Variants in MYRIP observed in about 807,000 individuals in gnomAD.
MYRIP encodes rab effector MyRIP.
A neutral mutation model predicts 98.0 loss-of-function variants in MYRIP; 49 were observed. The observed-to-expected ratio is 0.50, with a 90% CI of 0.40 to 0.63. The LOEUF is 0.63. Among genes scored for constraint, MYRIP ranks in the 30% least tolerant of loss-of-function variants. The pLI is 0.00. For synonymous variants in MYRIP, 404 were observed against 409.5 expected (o/e 0.99, Z 0.16); for missense variants, 1,004 against 1,058.2 (o/e 0.95, Z 0.71).
At chr3:40,091,567 A>C (rs1291684879) in intron 3 of MYRIP, among the ~76,000 whole-genome samples, 8 of 152,252 alleles carry the variant, frequency 5.3e-5, no homozygotes, top group Non-Finnish European at 1.2e-4. Context: ...CAAACACCCC[A>C]GACCTCTTCC....
At chr3:40,195,901 T>A (rs1260374404) in intron 10 of MYRIP, among the ~76,000 whole-genome samples, 1 of 152,134 alleles carries the variant, frequency 6.6e-6, no homozygotes, top group Non-Finnish European at 1.5e-5. Context: ...ATAGATTTCT[T>A]CTTTGGTTGT....
At chr3:40,032,974 G>A (rs1405656739) in intron 2 of MYRIP, among the ~76,000 whole-genome samples, 1 of 151,822 alleles carries the variant, frequency 6.6e-6, no homozygotes, top group Non-Finnish European at 1.5e-5. Flanking sequence ...AAAACCACAG[G>A]ATTATCTCAA....
At chr3:40,137,111 G>C (rs1559416348) in intron 3 of MYRIP, among the ~76,000 whole-genome samples, 1 of 152,114 alleles carries the variant, frequency 6.6e-6, no homozygotes. Flanking sequence ...TTTTTGAAAA[G>C]ATCAACAAAA....
At chr3:40,221,202 TTTA>T (rs1391468115) in intron 11 of MYRIP, among the ~76,000 whole-genome samples, 2 of 152,078 alleles carry the variant, frequency 1.3e-5, no homozygotes, top group Non-Finnish European at 2.9e-5. Flanking sequence ...TCAACAAATG[TTTA>T]TTGAGTGTGT....
intron 2 of MYRIP, among the ~76,000 whole-genome samples, chr3:39,958,174 A>G (rs1273666421): frequency 6.6e-6 from 1 of 152,176 alleles, no homozygotes; most frequent in East Asian, 1.9e-4. Context: ...AATTGGAAAA[A>G]TTACTTTAAA....
chr3:40,129,461 A>C (rs1228509714), intron 3 of MYRIP, among the ~76,000 whole-genome samples: 2 of 148,652 alleles, frequency 1.3e-5, no homozygotes, highest in East Asian at 3.9e-4. Context: ...AAAAAAAAAA[A>C]AAAAAAAAAA....
chr3:40,246,616 C>T (rs920462154), intron 13 of MYRIP, among the ~76,000 whole-genome samples: 4 of 151,800 alleles, frequency 2.6e-5, no homozygotes, highest in African/African-American at 4.8e-5. Context: ...CTATCTGTAG[C>T]TATCAGTTTA....
intron 2 of MYRIP, among the ~76,000 whole-genome samples, chr3:40,003,407 G>A (rs1041837532): frequency 6.6e-6 from 1 of 152,218 alleles, no homozygotes; most frequent in Non-Finnish European, 1.5e-5. Flanking sequence ...GGACACTGAA[G>A]ATCTACTTGT....
chr3:40,251,305 T>A lies in MYRIP; in HGVS notation c.2429-576T>A, dbSNP rs377311077. Among the ~76,000 whole-genome samples the A allele has an allele frequency of 3.3e-4, 51 of 152,374 alleles. No individual in the cohort carries two copies. In the East Asian group the frequency reaches 8.3e-3, roughly 25 times the overall value. Reference sequence around the variant, plus strand: ...TCTACAAAACTGTATGCAGTTAAAATTTATCACAGATTCACAGTCCTTTAT... The same window carrying A: ...TCTACAAAACTGTATGCAGTTAAAAATTATCACAGATTCACAGTCCTTTAT... On this transcript the variant is annotated intron_variant, in intron 15 of 16. Coordinates refer to ENST00000302541, the MANE Select transcript of MYRIP (RefSeq NM_015460.4).
chr3:40,073,500 A>G (rs1447255498), intron 3 of MYRIP, among the ~76,000 whole-genome samples: 1 of 152,122 alleles, frequency 6.6e-6, no homozygotes, highest in Non-Finnish European at 1.5e-5. Context: ...ATTCTGCCTT[A>G]CTCTCTGTTG....
At chr3:40,256,435 AG>A (rs1197284385) in intron 16 of MYRIP, among the ~76,000 whole-genome samples, 1 of 152,180 alleles carries the variant, frequency 6.6e-6, no homozygotes, top group African/African-American at 2.4e-5. Flanking sequence ...TCCTTGTTAA[AG>A]AAAATTCCCG....
At chr3:39,852,183 G>A (rs1222015765) in intron 1 of MYRIP, among the ~76,000 whole-genome samples, 2 of 152,134 alleles carry the variant, frequency 1.3e-5, no homozygotes, top group African/African-American at 4.8e-5. Context: ...CCCAAACTTG[G>A]AGCATAGCCA....
chr3:39,897,658 A>C (rs975783367), intron 1 of MYRIP, among the ~76,000 whole-genome samples: 10 of 152,174 alleles, frequency 6.6e-5, no homozygotes, highest in Non-Finnish European at 1.5e-4. Context: ...CATGGACACG[A>C]GCCTTCTCCA....
At chr3:40,135,762 A>T (rs1949751219) in intron 3 of MYRIP, among the ~76,000 whole-genome samples, 1 of 152,218 alleles carries the variant, frequency 6.6e-6, no homozygotes, top group Admixed American at 6.5e-5. Context: ...TTCAACCCAG[A>T]ATTTCATATC....
Position 40,190,019 on chromosome 3 carries a change from G to A in MYRIP, c.1221G>A (p.Leu407=), listed in dbSNP as rs150509578. 3.7e-6 allele frequency: 6 copies of A among 1,614,146 alleles called. No homozygotes were observed. In the Admixed American group the frequency reaches 5.0e-5, roughly 13 times the overall value. Residue 407 remains leucine, a synonymous_variant, in exon 10 of 17, where the codon TTG becomes TTA. Transcript: ENST00000302541. ...AAGACTTTGACTGGAGTGAGGCCTT[G>A]AGCAAGCTGTGTCCCAGGTCCCGGG... is the stretch of plus-strand genomic sequence containing the variant. The part of the protein sequence containing the change: ...SEEDFDWSEA[L]SKLCPRSRAL...
At position 40,096,409 on chromosome 3, in the gene MYRIP, G is replaced by A. The variant is rs536455351; in HGVS notation, c.332+52138G>A. Among the ~76,000 whole-genome samples, 263 of 152,304 alleles carry A rather than the reference G, an allele frequency of 1.7e-3. 2 individuals carry two copies. Among genetic ancestry groups the A allele is most frequent in the African/African-American group, 6.2e-3 (257 of 41,570 alleles). ...CCTGAATCCTCATTGTGTAATAAGG[G>A]AGGTGCTGTGAGGATAAAGTCAAAT... is the stretch of plus-strand genomic sequence containing the variant. On this transcript the variant is annotated intron_variant, in intron 3 of 16. Transcript: ENST00000302541.
At chr3:40,165,880 G>A (rs2125593196) in intron 5 of MYRIP, among the ~76,000 whole-genome samples, 1 of 152,094 alleles carries the variant, frequency 6.6e-6, no homozygotes, top group East Asian at 1.9e-4. Context: ...AATTTGGAAT[G>A]GAATCCAAAT....
chr3:40,200,097 T>C (rs1174151638), intron 10 of MYRIP, among the ~76,000 whole-genome samples: 1 of 90,692 alleles, frequency 1.1e-5, no homozygotes, highest in African/African-American at 3.1e-5. Context: ...AATGAGACAT[T>C]TGCTGAAAAA....
At chr3:39,979,412 G>T (rs9871457) in intron 2 of MYRIP, among the ~76,000 whole-genome samples, 29,265 of 152,008 alleles carry the variant, frequency 0.19, 5,489 homozygotes, top group African/African-American at 0.49. Flanking sequence ...GCCAAGGCGG[G>T]CGGATCACCT....
Sources: gnomAD v4.1 joint callset for allele counts (sites outside exome capture counted in the v4.1 genomes callset) on GRCh38, gnomAD v4.1.1 for gene constraint, MANE v1.5 for transcripts, NCBI Gene and HGNC (gene_info 2026-07-23, HGNC 2026-07-21) for gene names.